Variants in SLC26A8 observed in about 807,000 individuals in gnomAD.
SLC26A8 encodes the protein solute carrier family 26 member 8, also known as testis anion transporter 1.
A neutral mutation model predicts 105.0 loss-of-function variants in SLC26A8; 70 were observed. The ratio of observed to expected loss-of-function variants is 0.67; its 90% confidence interval spans 0.55 to 0.81. SLC26A8 has a LOEUF of 0.81. Ranked by LOEUF, SLC26A8 falls within the 40% of genes least tolerant of loss-of-function variation. SLC26A8 has a pLI of 0.00. For synonymous variants in SLC26A8, 415 were observed against 438.3 expected, an observed-to-expected ratio of 0.95 and a Z score of 0.66; for missense variants, 998 against 1,181.8, an observed-to-expected ratio of 0.84 and a Z score of 2.28.
chr6:35,979,993 G>GAGATAGT (rs1403666343), intron 8 of SLC26A8, among the ~76,000 whole-genome samples: 3 of 152,054 alleles, frequency 2.0e-5, no homozygotes, highest in Non-Finnish European at 4.4e-5. Context: ...TTTACTTTTT[G>GAGATAGT]AGATAGTCTC....
At chr6:36,011,013 A>C (rs1761841405) in intron 3 of SLC26A8, among the ~76,000 whole-genome samples, 1 of 152,102 alleles carries the variant, frequency 6.6e-6, no homozygotes, top group Non-Finnish European at 1.5e-5. Context: ...CATGTTCTTG[A>C]CCTCTTTTGT....
chr6:35,956,960 C>T (rs1472543459), intron 16 of SLC26A8, among the ~76,000 whole-genome samples: 4 of 151,140 alleles, frequency 2.6e-5, no homozygotes, highest in Non-Finnish European at 4.4e-5. Context: ...GTGTGCCTCA[C>T]GCCTGTAATC....
intron 7 of SLC26A8, among the ~76,000 whole-genome samples, chr6:35,982,953 C>A (rs2127334036): frequency 6.6e-6 from 1 of 152,296 alleles, no homozygotes; most frequent in Non-Finnish European, 1.5e-5. Context: ...GGAAAAGAGA[C>A]AACCTAGCAG....
At chr6:35,971,456 T>C (rs907072176) in intron 10 of SLC26A8, among the ~76,000 whole-genome samples, 1 of 152,180 alleles carries the variant, frequency 6.6e-6, no homozygotes, top group African/African-American at 2.4e-5. Context: ...CAGGCATCAA[T>C]TGCTCCATGT....
chr6:35,964,149 C>T (rs528448869), intron 11 of SLC26A8, among the ~76,000 whole-genome samples: 47 of 152,200 alleles, frequency 3.1e-4, no homozygotes, highest in African/African-American at 1.1e-3. Context: ...ATGGAGGCTG[C>T]AGTGAGGTGT....
intron 10 of SLC26A8, 45 bp downstream of exon 10, chr6:35,975,330 A>G: frequency 1.8e-6 from 2 of 1,098,930 alleles, no homozygotes; most frequent in Non-Finnish European, 2.7e-6. Flanking sequence ...ATGAATTGAT[A>G]TGAATATGTT....
intron 7 of SLC26A8, chr6:35,990,352 A>G (rs1581671481): frequency 1.1e-5 from 3 of 273,698 alleles, no homozygotes; most frequent in East Asian, 2.6e-4. Flanking sequence ...AAGATGTTCA[A>G]ATCTTCCAAT....
Position 35,968,609 on chromosome 6 carries a change from GTATATATATATATATA to G in SLC26A8, c.1365+252_1365+267del, listed in dbSNP as rs55987809. On this transcript the variant is annotated intron_variant, in intron 11 of 19. Transcript: ENST00000490799. Reference sequence around the variant, plus strand: ...TGTGTATGTGTGTGTGTGTGTGTGTGTATATATATATATATATATATATATATATATATATATATAT... The same window carrying G: ...TGTGTATGTGTGTGTGTGTGTGTGTGTATATATATATATATATATATATAT... Among the ~76,000 whole-genome samples the G allele has an allele frequency of 4.0e-3, 243 of 60,086 alleles. 6 individuals carry two copies. The highest frequency in any genetic ancestry group is 0.038 in the Admixed American group (162 of 4,228). 39.4% of individuals were successfully genotyped at this position (60,086 alleles called of 152,430 possible).
intron 19 of SLC26A8, among the ~76,000 whole-genome samples, chr6:35,949,171 T>G (rs917323199): frequency 3.3e-5 from 5 of 152,112 alleles, no homozygotes; most frequent in Admixed American, 1.3e-4. Flanking sequence ...CAGTGGCTCA[T>G]GCCTGTAATC....
In SLC26A8 at chr6:36,000,062, G is replaced by A. The variant is rs1384993868; in HGVS notation, c.375C>T (p.Asn125=). The change falls in exon 4 of 20, where the codon AAC becomes AAT. Residue 125 remains asparagine (N), a synonymous_variant. Coordinates refer to ENST00000490799, the MANE Select transcript of SLC26A8 (RefSeq NM_052961.4). The stretch of plus-strand genomic sequence containing the variant: ...AAGAACAGAAAGCTGCATAAGCGAT[G>A]TTGAGAGGAGGAATCAGTTGCCTTG... The part of the protein sequence containing the change: ...LLARQLIPPL[N]IAYAAFCSSV... 2.5e-6 allele frequency: 4 copies of A among 1,614,054 alleles called. No individual in the cohort carries two copies. The highest frequency in any genetic ancestry group is 3.4e-6 in the Non-Finnish European group (4 of 1,180,018).
chr6:36,013,662 G>C (rs1761923437), intron 2 of SLC26A8, among the ~76,000 whole-genome samples: 1 of 152,094 alleles, frequency 6.6e-6, no homozygotes, highest in African/African-American at 2.4e-5. Context: ...AATCAACCAA[G>C]AAAACCAATT....
At chr6:36,013,093 T>C (rs1311493713) in intron 2 of SLC26A8, among the ~76,000 whole-genome samples, 1 of 152,206 alleles carries the variant, frequency 6.6e-6, no homozygotes. Flanking sequence ...GACTTAGTTA[T>C]GTAAGGAAAC....
intron 18 of SLC26A8, 23 bp from the exon 19 acceptor site, chr6:35,951,370 A>G: frequency 1.2e-6 from 2 of 1,614,102 alleles, no homozygotes; most frequent in Middle Eastern, 1.6e-4. Flanking sequence ...CCCAGAACAC[A>G]CACAATGTCA....
At chr6:36,016,446 T>C (rs2127374081) in intron 2 of SLC26A8, among the ~76,000 whole-genome samples, 1 of 152,332 alleles carries the variant, frequency 6.6e-6, no homozygotes. Flanking sequence ...AACACAGTAG[T>C]ATCAGCAGAA....
intron 5 of SLC26A8, among the ~76,000 whole-genome samples, chr6:35,994,115 TC>T (rs66483141): frequency 0.4 from 52,158 of 130,604 alleles, 10,806 homozygotes; most frequent in South Asian, 0.55. Context: ...TTTTTTCTTT[TC>T]TTTTTTTTTT....
chr6:35,945,557 G>C (rs187468858), intron 19 of SLC26A8, among the ~76,000 whole-genome samples: 1 of 152,060 alleles, frequency 6.6e-6, no homozygotes, highest in African/African-American at 2.4e-5. Context: ...AGCTTTGTGC[G>C]TGCCATTCCC....
At chr6:35,978,689 A>C (rs527735625) in intron 8 of SLC26A8, among the ~76,000 whole-genome samples, 3 of 152,124 alleles carry the variant, frequency 2.0e-5, no homozygotes, top group African/African-American at 4.8e-5. Flanking sequence ...AAAGCAAATA[A>C]TACCTTATCT....
chr6:36,012,839 A>T (rs1488984166), intron 2 of SLC26A8, among the ~76,000 whole-genome samples: 6 of 152,184 alleles, frequency 3.9e-5, no homozygotes, highest in African/African-American at 1.4e-4. Flanking sequence ...TTTGACAAGG[A>T]CAGTGTTTTG....
At chr6:35,990,700 C>T (rs377561941) in intron 7 of SLC26A8, among the ~76,000 whole-genome samples, 49 of 152,030 alleles carry the variant, frequency 3.2e-4, no homozygotes, top group Admixed American at 5.9e-4. Flanking sequence ...TAGAAAAAGA[C>T]GGAAATTCAC....
Sources: gnomAD v4.1 joint callset for allele counts (sites outside exome capture counted in the v4.1 genomes callset) on GRCh38, gnomAD v4.1.1 for gene constraint, MANE v1.5 for transcripts, NCBI Gene and HGNC (gene_info 2026-07-23, HGNC 2026-07-21) for gene names.